NRG1: variants seen among roughly 807,000 people sequenced by gnomAD.
The protein encoded by NRG1 is neuregulin 1.
In NRG1, 18 loss-of-function variants were observed where a neutral mutation model predicts 63.8. The ratio of observed to expected loss-of-function variants is 0.28; its 90% CI spans 0.19 to 0.42. NRG1 has a LOEUF of 0.42. NRG1 is among the 10% of genes least tolerant of loss of function. The pLI, the probability that NRG1 is intolerant of heterozygous loss-of-function variation, is 1.00. For missense variants in NRG1, 762 were observed against 814.7 expected (o/e 0.94, Z 0.79); for synonymous variants, 302 against 301.3 (o/e 1.00, Z -0.02).
chr8:32,761,051 T>C (rs1338487753), intron 11 of NRG1: 1 of 952,132 alleles, frequency 1.1e-6, no homozygotes, highest in African/African-American at 1.8e-5. Context: ...GGCCCTTTAT[T>C]CCAGAATGTT....
intron 1 of NRG1, among the ~76,000 whole-genome samples, chr8:32,013,986 G>A (rs1159232419): frequency 6.6e-6 from 1 of 152,080 alleles, no homozygotes; most frequent in East Asian, 1.9e-4. Flanking sequence ...TATTACAGCT[G>A]TCATAATAAA....
At chr8:32,350,036 G>A (rs977592456) in intron 1 of NRG1, among the ~76,000 whole-genome samples, 5 of 152,134 alleles carry the variant, frequency 3.3e-5, no homozygotes, top group Non-Finnish European at 7.3e-5. Flanking sequence ...CCAACACAGA[G>A]AAATAGGAGG....
intron 1 of NRG1, among the ~76,000 whole-genome samples, chr8:31,665,207 G>T (rs750969229): frequency 6.6e-6 from 1 of 152,102 alleles, no homozygotes; most frequent in African/African-American, 2.4e-5. Flanking sequence ...GGAAGCATAG[G>T]CTCAGAAAGT....
intron 1 of NRG1, among the ~76,000 whole-genome samples, chr8:32,009,538 GA>G (rs919930405): frequency 6.6e-5 from 10 of 151,810 alleles, no homozygotes; most frequent in African/African-American, 2.2e-4. Flanking sequence ...ATATACAAAT[GA>G]AAAAAATAAA....
chr8:32,060,842 C>T lies in NRG1; in HGVS notation c.37+421411C>T, dbSNP rs967228349. On this transcript the variant is annotated intron_variant, in intron 1 of 10. Transcript: ENST00000519301. ...TTAGACTCTGGTTTTCTGCCTGTTA[C>T]GTTTTAAAATGGAGCAGTAAACACA... is the stretch of plus-strand genomic sequence containing the variant. 7.9e-5 allele frequency among the ~76,000 whole-genome samples: 12 copies of T among 151,890 alleles called. 1 individual carries two copies. The South Asian group carries it at 1.7e-3, about 21-fold the overall frequency.
intron 1 of NRG1, among the ~76,000 whole-genome samples, chr8:32,341,410 A>G (rs564751085): frequency 6.6e-6 from 1 of 152,342 alleles, no homozygotes; most frequent in East Asian, 1.9e-4. Flanking sequence ...CTCGTGGCTG[A>G]AATTTTTTAT....
In NRG1 at chr8:32,392,862, T is replaced by C. The variant is rs144066477; in HGVS notation, c.38-202966T>C. On this transcript the variant is annotated intron_variant, in intron 1 of 10. Coordinates refer to the NRG1 transcript ENST00000519301. ...ACCAGTCAGTCAGCAAGTACATGTGTTTTAAGTCCAGAAGGATGCTCAAGT... is the reference window on the plus strand; with the variant it reads ...ACCAGTCAGTCAGCAAGTACATGTGCTTTAAGTCCAGAAGGATGCTCAAGT... 1.7e-3 allele frequency among the ~76,000 whole-genome samples: 257 copies of C among 150,748 alleles called. 1 individual carries two copies. Among genetic ancestry groups the C allele is most frequent in the Middle Eastern group, 6.8e-3 (2 of 292 alleles).
intron 2 of NRG1, among the ~76,000 whole-genome samples, chr8:32,602,481 C>T (rs772393324): frequency 3.3e-5 from 5 of 151,928 alleles, no homozygotes; most frequent in South Asian, 4.1e-4. Context: ...CATACAAACA[C>T]GATTGTTCCT....
chr8:32,716,379 G>A (rs907761346), intron 5 of NRG1, among the ~76,000 whole-genome samples: 1 of 152,182 alleles, frequency 6.6e-6, no homozygotes, highest in Non-Finnish European at 1.5e-5. Context: ...TCAATGCTTT[G>A]ATTTTTAGGT....
intron 1 of NRG1, among the ~76,000 whole-genome samples, chr8:32,521,808 C>T (rs1165231725): frequency 2.0e-5 from 3 of 152,022 alleles, no homozygotes. Context: ...TCTTTTACTC[C>T]CTCAGTTAAA....
intron 1 of NRG1, among the ~76,000 whole-genome samples, chr8:31,987,804 C>A (rs1199482848): frequency 6.6e-6 from 1 of 152,060 alleles, no homozygotes; most frequent in Non-Finnish European, 1.5e-5. Flanking sequence ...TTTTAAATAA[C>A]CTCTATGACT....
chr8:32,313,972 T>C (rs1264004105), intron 1 of NRG1, among the ~76,000 whole-genome samples: 1 of 152,174 alleles, frequency 6.6e-6, no homozygotes, highest in Non-Finnish European at 1.5e-5. Flanking sequence ...CAGACACTAC[T>C]TTTGGCACCT....
intron 5 of NRG1, chr8:32,721,796 C>A (rs1406891278): frequency 2.4e-6 from 3 of 1,276,268 alleles, no homozygotes; most frequent in Non-Finnish European, 3.0e-6. Context: ...ACCTATCATT[C>A]CCTTGGCATC....
chr8:32,409,597 A>C (rs1052829766), intron 1 of NRG1, among the ~76,000 whole-genome samples: 2 of 152,238 alleles, frequency 1.3e-5, no homozygotes, highest in Admixed American at 1.3e-4. Context: ...CCAGGATTCC[A>C]GTGGAAAGTG....
intron 5 of NRG1, among the ~76,000 whole-genome samples, chr8:32,639,158 C>A (rs1246807920): frequency 6.6e-6 from 1 of 152,166 alleles, no homozygotes; most frequent in Admixed American, 6.5e-5. Flanking sequence ...ATAATCCTAG[C>A]ACTTTGGGAG....
intron 1 of NRG1, among the ~76,000 whole-genome samples, chr8:31,761,650 A>G (rs1817570896): frequency 6.6e-6 from 1 of 152,080 alleles, no homozygotes; most frequent in Non-Finnish European, 1.5e-5. Flanking sequence ...AACACACATA[A>G]CATTTGTTAA....
intron 1 of NRG1, among the ~76,000 whole-genome samples, chr8:32,589,364 G>A (rs2439292): frequency 0.35 from 53,063 of 152,102 alleles, 9,911 homozygotes; most frequent in Middle Eastern, 0.44. Context: ...ATCCTGCATA[G>A]AGGACTGATT....
intron 1 of NRG1, among the ~76,000 whole-genome samples, chr8:32,261,585 G>A (rs957380833): frequency 1.3e-5 from 2 of 152,076 alleles, no homozygotes; most frequent in Admixed American, 6.6e-5. Context: ...AAGAATGTTT[G>A]TAAAATACAC....
At chr8:32,343,384 T>G (rs1287501476) in intron 1 of NRG1, among the ~76,000 whole-genome samples, 1 of 152,234 alleles carries the variant, frequency 6.6e-6, no homozygotes, top group Non-Finnish European at 1.5e-5. Context: ...TTGATATTTT[T>G]ACACCTTCAA....
Sources: allele counts gnomAD v4.1 joint callset (sites outside exome capture counted in the v4.1 genomes callset), GRCh38; gene constraint gnomAD v4.1.1; transcripts MANE v1.5; gene names NCBI Gene and HGNC (gene_info 2026-07-23, HGNC 2026-07-21).